The following EVC variants were observed in gnomAD, a reference collection of about 807,000 sequenced individuals.
EVC encodes the protein EvC ciliary complex subunit 1.
Under a neutral mutation model 118.9 loss-of-function variants are expected in EVC, and 116 were observed. That is an observed-to-expected ratio of 0.98 (90% CI 0.84 to 1.14). The LOEUF is 1.14. Ranked by LOEUF, EVC falls within the 50% of genes most tolerant of loss-of-function variation. EVC has a pLI of 0.00. For missense variants in EVC, 1,401 were observed against 1,246.4 expected, an observed-to-expected ratio of 1.12 and a Z score of -1.87; for synonymous variants, 619 against 534.7, an observed-to-expected ratio of 1.16 and a Z score of -2.18.
chr4:5,734,596 G>T (rs1180959362), intron 5 of EVC, among the ~76,000 whole-genome samples: 1 of 152,208 alleles, frequency 6.6e-6, no homozygotes, highest in Non-Finnish European at 1.5e-5. Context: ...GATGGAGGCT[G>T]CAGTGAACTG....
At chr4:5,791,244 TA>T (rs1264485461) in intron 12 of EVC, among the ~76,000 whole-genome samples, 3 of 152,110 alleles carry the variant, frequency 2.0e-5, no homozygotes, top group Non-Finnish European at 2.9e-5. Flanking sequence ...CTCAGAGATC[TA>T]AAGAGATGGA....
At chr4:5,729,217 C>A (rs1411818094) in intron 2 of EVC, 90 bp from the exon 3 acceptor site, 5 of 1,199,436 alleles carry the variant, frequency 4.2e-6, no homozygotes, top group Non-Finnish European at 6.2e-6. Flanking sequence ...GCTGCTATTA[C>A]AAATGGGATG....
chr4:5,713,757 G>A (rs1307021569), intron 1 of EVC, among the ~76,000 whole-genome samples: 2 of 148,280 alleles, frequency 1.3e-5, no homozygotes, highest in African/African-American at 5.0e-5. Flanking sequence ...TACAAAATTA[G>A]CCAGGTGTGG....
chr4:5,827,110 A>T, the EVC span, among the ~76,000 whole-genome samples: 5 of 152,166 alleles, frequency 3.3e-5, no homozygotes, highest in Non-Finnish European at 7.4e-5. Flanking sequence ...ATCCCTGTGC[A>T]ATGGGACCCC....
Position 5,731,420 on chromosome 4 carries a change from C to T in EVC, c.385-5C>T, listed in dbSNP as rs897738878. The T allele has an allele frequency of 6.1e-5, 98 of 1,612,182 alleles. No individual in the cohort carries two copies. The highest frequency in any genetic ancestry group is 7.7e-5 in the Non-Finnish European group (91 of 1,178,626). On this transcript the variant is annotated splice_region_variant and splice_polypyrimidine_tract_variant and intron_variant, in intron 3 of 20. Coordinates refer to ENST00000264956, the MANE Select transcript of EVC (RefSeq NM_153717.3). This position sits in a 1 kb window ranked among gnomAD's most constrained non-coding sequence, Gnocchi z 5.6. ...GACTGAGTGTGACTCCTACTGCCAC[C>T]CCAGCCTCTGGCCGATGGCTCCTCC...
intron 11 of EVC, among the ~76,000 whole-genome samples, chr4:5,782,116 C>A (rs1466349748): frequency 6.6e-6 from 1 of 152,118 alleles, no homozygotes; most frequent in Non-Finnish European, 1.5e-5. Flanking sequence ...CTCTCTCTGT[C>A]ACCCAAGTTG....
intron 6 of EVC, 117 bp from the exon 7 acceptor site, chr4:5,745,087 A>G (rs981543181): frequency 4.9e-6 from 5 of 1,028,338 alleles, no homozygotes; most frequent in Non-Finnish European, 7.1e-6. Context: ...GCATTTAACT[A>G]TTGTTTAAAA....
At chr4:5,720,198 A>G (rs983803078) in intron 2 of EVC, among the ~76,000 whole-genome samples, 1 of 152,104 alleles carries the variant, frequency 6.6e-6, no homozygotes, top group Non-Finnish European at 1.5e-5. Context: ...AGGGGAAGAG[A>G]TGGAACTAGC....
Position 5,743,296 on chromosome 4 carries a change from C to T in EVC, c.801+1482C>T. 6.6e-6 allele frequency among the ~76,000 whole-genome samples: 1 copy of T among 152,176 alleles called. No individual in the cohort carries two copies. The highest frequency in any genetic ancestry group is 1.9e-4 in the East Asian group (1 of 5,196). On this transcript the variant is annotated intron_variant, in intron 6 of 20. Coordinates refer to ENST00000264956, the MANE Select transcript of EVC (RefSeq NM_153717.3). The surrounding 1 kb of genome is among the most constrained non-coding windows in gnomAD (Gnocchi z 4.7). ...GCAGGGTTGTGATCAGAAAACAAGTCCTGCCAGTCTCCTACCTCACCTTAT... is the reference window on the plus strand; with the variant it reads ...GCAGGGTTGTGATCAGAAAACAAGTTCTGCCAGTCTCCTACCTCACCTTAT...
chr4:5,822,486 G>T, the EVC span, among the ~76,000 whole-genome samples: 1 of 132,584 alleles, frequency 7.5e-6, no homozygotes, highest in Admixed American at 7.1e-5. Context: ...GCGATAGGTG[G>T]ATCTGAAGGG....
the EVC span, among the ~76,000 whole-genome samples, chr4:5,823,757 C>T: frequency 6.6e-6 from 1 of 152,176 alleles, no homozygotes; most frequent in Non-Finnish European, 1.5e-5. Flanking sequence ...ACGCTGGCAC[C>T]GTGCTGCTTG....
At chr4:5,761,583 A>C (rs1329464355) in intron 11 of EVC, among the ~76,000 whole-genome samples, 1 of 152,000 alleles carries the variant, frequency 6.6e-6, no homozygotes, top group African/African-American at 2.4e-5. Context: ...TAGTAAATCT[A>C]CAGTTTACGT....
chr4:5,807,471 C>A (rs1716110508), intron 17 of EVC, among the ~76,000 whole-genome samples: 1 of 152,162 alleles, frequency 6.6e-6, no homozygotes, highest in Non-Finnish European at 1.5e-5. Context: ...GAAATTCGAC[C>A]CCTTTCAGAA....
chr4:5,785,675 G>C (rs543072023), intron 12 of EVC, among the ~76,000 whole-genome samples: 4 of 152,152 alleles, frequency 2.6e-5, no homozygotes, highest in Non-Finnish European at 5.9e-5. Context: ...CCTTGAGGAC[G>C]GCAACCCTGA....
At chr4:5,790,823 G>A (rs927852679) in intron 12 of EVC, among the ~76,000 whole-genome samples, 1 of 152,190 alleles carries the variant, frequency 6.6e-6, no homozygotes, top group Non-Finnish European at 1.5e-5. Context: ...GCTGGGAGTG[G>A]TAGCTCATGC....
chr4:5,783,913 C>G, intron 12 of EVC, 149 bp downstream of exon 12: 1 of 744,502 alleles, frequency 1.3e-6, no homozygotes. Flanking sequence ...AATGGCCCAC[C>G]ACAGGGGTGG....
At chr4:5,760,112 GAT>G (rs1025169544) in intron 11 of EVC, among the ~76,000 whole-genome samples, 3 of 152,122 alleles carry the variant, frequency 2.0e-5, no homozygotes, top group Non-Finnish European at 2.9e-5. Flanking sequence ...TGAGCAGAGA[GAT>G]AACTGTGAAT....
chr4:5,739,551 T>G (rs1423613504), intron 5 of EVC, among the ~76,000 whole-genome samples: 3 of 152,140 alleles, frequency 2.0e-5, no homozygotes, highest in Admixed American at 6.5e-5. Flanking sequence ...CCCAGAAGAG[T>G]GATTAACAAG....
rs1731226101 is a variant in EVC, at chr4:5,756,667, C to A, written c.1563+305C>A. Among the ~76,000 whole-genome samples, 1 of 152,114 alleles carries A rather than the reference C, an allele frequency of 6.6e-6. No homozygotes were observed. The highest frequency in any genetic ancestry group is 2.4e-5 in the African/African-American group (1 of 41,412). ...CGTTCTCCCCAGGTGAGAAATAGGCCCAGGGTTTCTGGGTGTCATCAGTGT... is the reference window on the plus strand; with the variant it reads ...CGTTCTCCCCAGGTGAGAAATAGGCACAGGGTTTCTGGGTGTCATCAGTGT... On this transcript the variant is annotated intron_variant, in intron 11 of 20. Transcript: ENST00000264956. The surrounding 1 kb of genome is among the most constrained non-coding windows in gnomAD (Gnocchi z 4.2).
Sources: allele counts gnomAD v4.1 joint callset (sites outside exome capture counted in the v4.1 genomes callset), GRCh38; gene constraint gnomAD v4.1.1; non-coding constraint Gnocchi (gnomAD v3.1); transcripts MANE v1.5; gene names NCBI Gene and HGNC (gene_info 2026-07-23, HGNC 2026-07-21).